Variants in KIF15 observed in about 807,000 individuals in gnomAD.
KIF15 encodes kinesin-like protein KIF15.
KIF15 carries 140 observed loss-of-function variants against 190.6 expected under a neutral mutation model. The ratio of observed to expected loss-of-function variants is 0.73; its 90% CI spans 0.64 to 0.84. The LOEUF (loss-of-function observed/expected upper bound fraction) is 0.84. Ranked by LOEUF, KIF15 falls within the 40% of genes least tolerant of loss-of-function variation. The pLI is 0.00. For missense variants in KIF15, 1,372 were observed against 1,584.4 expected (o/e 0.87, Z 2.28); for synonymous variants, 528 against 551.3 (o/e 0.96, Z 0.59).
intron 22 of KIF15, 169 bp from the exon 23 acceptor site, chr3:44,827,290 A>C (rs1211390143): frequency 8.9e-6 from 5 of 563,190 alleles, no homozygotes; most frequent in Non-Finnish European, 1.6e-5. Context: ...CTCATTGAAT[A>C]ATTTTTGAAG....
intron 6 of KIF15, chr3:44,861,774 C>T: frequency 3.4e-6 from 3 of 870,472 alleles, no homozygotes; most frequent in Non-Finnish European, 5.1e-6. Flanking sequence ...CCACCTGGCC[C>T]GCCCCCTCCG....
intron 7 of KIF15, among the ~76,000 whole-genome samples, chr3:44,787,327 CAT>C (rs1706454517): frequency 6.6e-6 from 1 of 152,168 alleles, no homozygotes; most frequent in Admixed American, 6.5e-5. Context: ...TTTTAAATCA[CAT>C]ATGTATGTGG....
downstream of KIF15, among the ~76,000 whole-genome samples, chr3:44,854,630 G>A (rs1699165906): frequency 6.6e-6 from 1 of 152,214 alleles, no homozygotes; most frequent in Non-Finnish European, 1.5e-5. Context: ...TGTATCAGCT[G>A]TAGAGCTGCT....
At chr3:44,809,718 G>A (rs1417468683) in intron 16 of KIF15, among the ~76,000 whole-genome samples, 1 of 152,026 alleles carries the variant, frequency 6.6e-6, no homozygotes, top group South Asian at 2.1e-4. Flanking sequence ...AAGCATGGTG[G>A]TGTGCACCTT....
rs759435119 is a variant in KIF15 at position 44,830,887 on chromosome 3, T to G, written c.3049-9T>G. 1 of 1,608,742 alleles carries G rather than the reference T, an allele frequency of 6.2e-7. No individual in the cohort carries two copies. Among genetic ancestry groups the G allele is most frequent in the South Asian group, 1.1e-5 (1 of 89,506 alleles). ...AATGGCTCTTATAGCATGACTTTCT[T>G]TTCTACAGTGCAAATACAACTCTGC... On this transcript the variant is annotated splice_polypyrimidine_tract_variant and intron_variant, in intron 25 of 34. Coordinates refer to ENST00000326047, the MANE Select transcript of KIF15 (RefSeq NM_020242.3).
Position 44,840,402 on chromosome 3 carries a change from C to T in KIF15, c.3366C>T (p.Asn1122=), listed in dbSNP as rs768584177. Residue 1122 remains asparagine (N), a synonymous_variant, in exon 28 of 35, where the codon AAC becomes AAT. Transcript: ENST00000326047. The part of the protein sequence containing the change: ...EEVEQKKNEY[N]FKMRQLEHVM... ...TAGAACAGAAGAAGAATGAATATAA[C>T]TTCAAAATGAGGCAACTAGAACATG... 10 of 1,610,922 alleles carry T rather than the reference C, an allele frequency of 6.2e-6. No individual in the cohort carries two copies. The highest frequency in any genetic ancestry group is 8.5e-6 in the Non-Finnish European group (10 of 1,178,920).
intron 7 of KIF15, among the ~76,000 whole-genome samples, chr3:44,787,766 C>T (rs1706481444): frequency 6.6e-6 from 1 of 152,150 alleles, no homozygotes. Context: ...TCATAAAAGT[C>T]ACACATACTT....
At chr3:44,820,507 G>T (rs1708222625) in intron 20 of KIF15, among the ~76,000 whole-genome samples, 1 of 152,268 alleles carries the variant, frequency 6.6e-6, no homozygotes, top group Middle Eastern at 3.4e-3. Context: ...GCCTTCCGCA[G>T]TGTTTGTGTC....
At position 44,805,938 on chromosome 3, in the gene KIF15, G is replaced by C; in HGVS notation, c.1923G>C (p.Lys641Asn). Residue 641 changes from lysine (K) to asparagine (N), a missense_variant, in exon 16 of 35, where the codon AAG becomes AAC. Physicochemically the swap from Lys to Asn is moderately conservative, Grantham distance 94. Transcript: ENST00000326047. ...ENLLEATKACKRQEVSQLNKI... is the reference protein window; with the variant it reads ...ENLLEATKACNRQEVSQLNKI... ...TTTTGGAAGCAACAAAAGCCTGCAAGCGGCAAGAAGTTTCTCAGCTGAATA... is the reference window on the plus strand; with the variant it reads ...TTTTGGAAGCAACAAAAGCCTGCAACCGGCAAGAAGTTTCTCAGCTGAATA... 6.2e-7 allele frequency: 1 copy of C among 1,614,178 alleles called. No individual in the cohort carries two copies. The highest frequency in any genetic ancestry group is 8.5e-7 in the Non-Finnish European group (1 of 1,180,010).
intron 34 of KIF15, 136 bp from the exon 35 acceptor site, chr3:44,852,537 T>C: frequency 3.6e-6 from 3 of 823,360 alleles, no homozygotes; most frequent in Non-Finnish European, 5.6e-6. Context: ...AGCAGATTCT[T>C]GTTTAACGTT....
chr3:44,819,185 C>A (rs1377853855), intron 20 of KIF15, among the ~76,000 whole-genome samples: 2 of 151,998 alleles, frequency 1.3e-5, no homozygotes, highest in Non-Finnish European at 2.9e-5. Flanking sequence ...TTGATCTTTT[C>A]AAAAAACCAG....
intron 18 of KIF15, 47 bp from the exon 19 acceptor site, chr3:44,813,028 A>C: frequency 1.6e-4 from 165 of 1,025,398 alleles, no homozygotes; most frequent in Non-Finnish European, 2.2e-4. Context: ...AGTGCATCTT[A>C]GCATGCCAGT....
At chr3:44,839,603 A>G (rs1307621732) in intron 27 of KIF15, among the ~76,000 whole-genome samples, 6 of 152,138 alleles carry the variant, frequency 3.9e-5, no homozygotes, top group Non-Finnish European at 8.8e-5. Context: ...CATGCCCTGC[A>G]GTAGATCTCC....
At chr3:44,806,379 A>G (rs1213303010) in intron 16 of KIF15, among the ~76,000 whole-genome samples, 3 of 152,214 alleles carry the variant, frequency 2.0e-5, no homozygotes, top group Admixed American at 1.3e-4. Context: ...TTACTACAAT[A>G]TAACATGTCC....
chr3:44,864,926 C>A, intron 6 of KIF15: 1 of 1,407,712 alleles, frequency 7.1e-7, no homozygotes, highest in Non-Finnish European at 9.7e-7. Context: ...AAGCCCAAGG[C>A]TTCTGGCTCC....
intron 10 of KIF15, among the ~76,000 whole-genome samples, chr3:44,798,926 T>C (rs1462830725): frequency 1.3e-5 from 2 of 152,210 alleles, no homozygotes; most frequent in Non-Finnish European, 2.9e-5. Context: ...CAGCTTGTCC[T>C]ATCTGTGCTT....
At chr3:44,827,819 A>G (rs954170844) in intron 23 of KIF15, among the ~76,000 whole-genome samples, 1 of 152,026 alleles carries the variant, frequency 6.6e-6, no homozygotes, top group Non-Finnish European at 1.5e-5. Flanking sequence ...AGTAGCTGGG[A>G]CTATGGGCAT....
rs1422615372 is a variant in KIF15, at chr3:44,780,886, G to A, written c.325G>A (p.Gly109Arg). 1 of 1,595,446 alleles carries A rather than the reference G, an allele frequency of 6.3e-7. No individual in the cohort carries two copies. The change falls in exon 5 of 35, where the codon GGA becomes AGA. Residue 109 changes from glycine (G) to arginine (R), a missense_variant and splice_region_variant. Gly to Arg is a moderately radical substitution (Grantham distance 125). Coordinates refer to ENST00000326047, the MANE Select transcript of KIF15 (RefSeq NM_020242.3). ...TAATATGTAAAACATTTTTTACAGT[G>A]GACAGACTGGCTCAGGGAAGACATT... ...SGYNGTIFAY[G>R]QTGSGKTFTM... is the part of the protein sequence containing the mutation.
rs142561428 is a variant in KIF15, at chr3:44,813,419, GTTGT to G, written c.2383+250_2383+253del. 3,138 of 344,052 alleles carry G rather than the reference GTTGT, an allele frequency of 9.1e-3. 80 individuals are homozygous for G. Among genetic ancestry groups the G allele is most frequent in the African/African-American group, 0.061 (2,774 of 45,520 alleles). 21.3% of individuals were successfully genotyped at this position (344,052 alleles called of 1,614,324 possible). A position where few individuals can be genotyped will look rare whatever the true frequency, so the allele number is the denominator to read the frequency against. ...TACAAATGTTTGCTTAAAGTTTTTT[GTTGT>G]TTGTTTGTTTTTGACACAGACTCTC... On this transcript the variant is annotated intron_variant, in intron 19 of 34. Transcript: ENST00000326047.
Sources: gnomAD v4.1 joint callset for allele counts (sites outside exome capture counted in the v4.1 genomes callset) on GRCh38, gnomAD v4.1.1 for gene constraint, MANE v1.5 for transcripts, NCBI Gene and HGNC (gene_info 2026-07-23, HGNC 2026-07-21) for gene names.